The following PARD3B variants were observed in gnomAD, a reference collection of about 807,000 sequenced individuals.
PARD3B encodes partitioning defective 3 homolog B.
Under a neutral mutation model 130.2 loss-of-function variants are expected in PARD3B, and 103 were observed. The ratio of observed to expected loss-of-function variants is 0.79; its 90% CI spans 0.67 to 0.93. PARD3B has a LOEUF of 0.93. Ranked by LOEUF, PARD3B falls within the 40% of genes least tolerant of loss-of-function variation. PARD3B has a pLI of 0.00. For synonymous variants in PARD3B, 583 were observed against 553.2 expected (o/e 1.05, Z -0.76); for missense variants, 1,609 against 1,499.2 (o/e 1.07, Z -1.21).
intron 1 of PARD3B, among the ~76,000 whole-genome samples, chr2:204,616,580 T>C (rs752674258): frequency 2.2e-4 from 33 of 152,156 alleles, no homozygotes; most frequent in Admixed American, 3.9e-4. Context: ...AAGCTAAACA[T>C]ACCCTGACTG....
chr2:204,881,913 C>A (rs2046067636), intron 2 of PARD3B, among the ~76,000 whole-genome samples: 2 of 152,160 alleles, frequency 1.3e-5, no homozygotes. Context: ...AGAGGCAAAG[C>A]TAGTTCCAAG....
intron 1 of PARD3B, among the ~76,000 whole-genome samples, chr2:204,605,492 T>C (rs1191716315): frequency 6.6e-6 from 1 of 152,208 alleles, no homozygotes; most frequent in South Asian, 2.1e-4. Context: ...AAGTAATCTT[T>C]TTGAGGTGTG....
chr2:204,848,637 C>CTCTATCTATCTATCTATCTATCTATCTA (rs1327027447), intron 2 of PARD3B, among the ~76,000 whole-genome samples: 2 of 149,304 alleles, frequency 1.3e-5, no homozygotes, highest in Admixed American at 6.7e-5. Flanking sequence ...TAGAGTGAGA[C>CTCTATCTATCTATCTATCTATCTATCTA]TCTGTCTATC....
chr2:205,418,277 TCTG>T (rs1018663550), intron 19 of PARD3B, among the ~76,000 whole-genome samples: 3 of 152,176 alleles, frequency 2.0e-5, no homozygotes, highest in African/African-American at 7.2e-5. Flanking sequence ...GTAGATATCT[TCTG>T]CTATGATTCA....
At position 205,558,847 on chromosome 2, in the gene PARD3B, C is replaced by A. The variant is rs2053015624; in HGVS notation, c.3260+5444C>A. Among the ~76,000 whole-genome samples, 1 of 152,208 alleles carries A rather than the reference C, an allele frequency of 6.6e-6. No homozygotes were observed. Among genetic ancestry groups the A allele is most frequent in the African/African-American group, 2.4e-5 (1 of 41,452 alleles). ...ACCCATGCCATCTTCCTTTGCTCTT[C>A]TTCTTTTAAACTTCCATAGCATTTA... is the stretch of plus-strand genomic sequence containing the variant. On this transcript the variant is annotated intron_variant, in intron 22 of 22. Coordinates refer to ENST00000406610, the MANE Select transcript of PARD3B (RefSeq NM_001302769.2). This position sits in a 1 kb window ranked among gnomAD's most constrained non-coding sequence, Gnocchi z 4.8.
At chr2:204,572,481 A>G (rs982794992) in intron 1 of PARD3B, among the ~76,000 whole-genome samples, 4 of 152,194 alleles carry the variant, frequency 2.6e-5, no homozygotes, top group Non-Finnish European at 4.4e-5. Flanking sequence ...CCTTCCACCT[A>G]GCATATTAAT....
Position 205,263,125 on chromosome 2 carries a change from T to A in PARD3B, c.2185+17303T>A, listed in dbSNP as rs1274448240. Among the ~76,000 whole-genome samples the A allele has an allele frequency of 6.6e-6, 1 of 152,080 alleles. No homozygotes were observed. Among genetic ancestry groups the A allele is most frequent in the Non-Finnish European group, 1.5e-5 (1 of 67,990 alleles). The stretch of plus-strand genomic sequence containing the variant: ...AAAGAGGTGGATATTAGAGAAGATA[T>A]GTTATTCCCTTTTCTAAGCTCATCT... On this transcript the variant is annotated intron_variant, in intron 16 of 22. Coordinates refer to ENST00000406610, the MANE Select transcript of PARD3B (RefSeq NM_001302769.2). The surrounding 1 kb of genome is among the most constrained non-coding windows in gnomAD (Gnocchi z 4.0).
At chr2:205,113,606 C>A in intron 6 of PARD3B, 29 bp downstream of exon 6, 2 of 1,557,108 alleles carry the variant, frequency 1.3e-6, no homozygotes, top group South Asian at 1.1e-5. Context: ...TCCAGAAGCT[C>A]ATGCTAATGA....
At chr2:204,708,454 G>A (rs779935950) in intron 2 of PARD3B, among the ~76,000 whole-genome samples, 2 of 152,140 alleles carry the variant, frequency 1.3e-5, no homozygotes, top group Non-Finnish European at 2.9e-5. Context: ...TTGGTTATTA[G>A]ATTTCAGAAA....
Position 205,341,345 on chromosome 2 carries a change from G to A in PARD3B, c.2630+39644G>A, listed in dbSNP as rs1015583112. On this transcript the variant is annotated intron_variant, in intron 18 of 22. Transcript: ENST00000406610. The surrounding 1 kb of genome is among the most constrained non-coding windows in gnomAD (Gnocchi z 4.3). ...GCTAAGATATGGAATCAACCAAAAT[G>A]TCCATTAACAGATGAGTAATTAAAG... Among the ~76,000 whole-genome samples the A allele has an allele frequency of 1.5e-4, 23 of 152,048 alleles. No homozygotes were observed. Among genetic ancestry groups the A allele is most frequent in the Non-Finnish European group, 3.1e-4 (21 of 68,000 alleles).
intron 22 of PARD3B, among the ~76,000 whole-genome samples, chr2:205,614,726 A>T (rs2055358678): frequency 6.6e-6 from 1 of 152,162 alleles, no homozygotes; most frequent in South Asian, 2.1e-4. Flanking sequence ...TTAAAAAAAA[A>T]AAAAGAGCTC....
chr2:204,854,253 C>G (rs1346179636), intron 2 of PARD3B, among the ~76,000 whole-genome samples: 1 of 152,060 alleles, frequency 6.6e-6, no homozygotes, highest in East Asian at 1.9e-4. Flanking sequence ...CTTTCAAGGT[C>G]TATATGGAAG....
Position 204,545,574 on chromosome 2 carries a change from A to G in PARD3B, c.-426A>G, listed in dbSNP as rs1191576125. Among the ~76,000 whole-genome samples the G allele has an allele frequency of 2.0e-5, 3 of 151,572 alleles. No homozygotes were observed. Among genetic ancestry groups the G allele is most frequent in the Non-Finnish European group, 4.4e-5 (3 of 67,804 alleles). ...CCGTGCGCCGCCGCCGCCGCCGCCC[A>G]CTCCAGCCCCCGGCTTGGGGCCGGC... On this transcript the variant is annotated 5_prime_UTR_variant, in exon 1 of 23. Coordinates refer to ENST00000406610, the MANE Select transcript of PARD3B (RefSeq NM_001302769.2).
chr2:205,364,259 A>C (rs1428185312), intron 18 of PARD3B, among the ~76,000 whole-genome samples: 1 of 152,236 alleles, frequency 6.6e-6, no homozygotes, highest in Non-Finnish European at 1.5e-5. Flanking sequence ...CCCATAGCTT[A>C]GTGACTTCCT....
intron 16 of PARD3B, among the ~76,000 whole-genome samples, chr2:205,255,745 G>A (rs2040054821): frequency 1.3e-5 from 2 of 152,146 alleles, no homozygotes; most frequent in Admixed American, 6.5e-5. Flanking sequence ...TGGAAGAGAT[G>A]AATAGAACAA....
intron 2 of PARD3B, among the ~76,000 whole-genome samples, chr2:204,701,874 T>G (rs1281793475): frequency 1.3e-5 from 2 of 152,130 alleles, no homozygotes; most frequent in African/African-American, 4.8e-5. Flanking sequence ...GAGTTAGCGT[T>G]TGAACCCTTT....
intron 3 of PARD3B, among the ~76,000 whole-genome samples, chr2:204,966,727 C>T (rs929871311): frequency 4.6e-5 from 7 of 151,930 alleles, no homozygotes; most frequent in African/African-American, 7.2e-5. Flanking sequence ...AACATAATAT[C>T]GAATGCAAGA....
chr2:204,707,633 A>C (rs907036731), intron 2 of PARD3B, among the ~76,000 whole-genome samples: 1 of 152,162 alleles, frequency 6.6e-6, no homozygotes, highest in Non-Finnish European at 1.5e-5. Context: ...CATACACACA[A>C]ACCTTTGTAC....
intron 1 of PARD3B, among the ~76,000 whole-genome samples, chr2:204,561,889 G>T (rs779674757): frequency 6.6e-6 from 1 of 151,994 alleles, no homozygotes; most frequent in Non-Finnish European, 1.5e-5. Context: ...GAGTCACCGC[G>T]CCCGGCCATC....
Sources: allele counts gnomAD v4.1 joint callset (sites outside exome capture counted in the v4.1 genomes callset), GRCh38; gene constraint gnomAD v4.1.1; non-coding constraint Gnocchi (gnomAD v3.1); transcripts MANE v1.5; gene names NCBI Gene and HGNC (gene_info 2026-07-23, HGNC 2026-07-21).